SHOC1: variants seen among roughly 807,000 people sequenced by gnomAD.
The protein encoded by SHOC1 is protein shortage in chiasmata 1 ortholog.
A neutral mutation model predicts 179.2 loss-of-function variants in SHOC1; 136 were observed. The ratio of observed to expected loss-of-function variants is 0.76; its 90% CI spans 0.66 to 0.87. The LOEUF (loss-of-function observed/expected upper bound fraction) is 0.87. Among genes scored for constraint, SHOC1 ranks in the 40% least tolerant of loss-of-function variants. The probability of loss-of-function intolerance (pLI) is 0.00; values close to 1 mark genes in which losing one functional copy is unlikely to be tolerated. For synonymous variants in SHOC1, 489 were observed against 586.6 expected, an observed-to-expected ratio of 0.83 and a Z score of 2.41; for missense variants, 1,538 against 1,700.8, an observed-to-expected ratio of 0.90 and a Z score of 1.68.
Position 111,714,438 on chromosome 9 carries a change from A to T in SHOC1, c.2415+7T>A, listed in dbSNP as rs768290373. ...ATTATTTTACCGGCTTTATTCCAATACTTAACCTTAATTTGCTGTTGACTT... is the reference window on the plus strand; with the variant it reads ...ATTATTTTACCGGCTTTATTCCAATTCTTAACCTTAATTTGCTGTTGACTT... On this transcript the variant is annotated splice_region_variant and intron_variant, in intron 17 of 27. Coordinates refer to ENST00000682961, the MANE Select transcript of SHOC1 (RefSeq NM_001378211.1). 1.1e-5 allele frequency: 18 copies of T among 1,612,896 alleles called. No individual in the cohort carries two copies. Among genetic ancestry groups the T allele is most frequent in the Non-Finnish European group, 1.5e-5 (18 of 1,179,452 alleles).
Position 111,686,524 on chromosome 9 carries a change from G to T in SHOC1, c.*246C>A. 2.9e-6 allele frequency: 1 copy of T among 341,500 alleles called. No individual in the cohort carries two copies. The allele number at this position is 341,500 out of a possible 1,614,324, so 21.2% of individuals were successfully genotyped here. Reference sequence around the variant, plus strand: ...GACTCATTTAAATGGCCTGTGTGCAGGGGTGTCTGGAAGACATTTTGGATC... The same window carrying T: ...GACTCATTTAAATGGCCTGTGTGCATGGGTGTCTGGAAGACATTTTGGATC... On this transcript the variant is annotated 3_prime_UTR_variant, in exon 28 of 28. Transcript: ENST00000682961.
chr9:111,718,685 T>C (rs1832908845), intron 15 of SHOC1, among the ~76,000 whole-genome samples: 1 of 152,164 alleles, frequency 6.6e-6, no homozygotes, highest in Admixed American at 6.5e-5. Flanking sequence ...AATAGATTCA[T>C]AACTTGCCAA....
chr9:111,705,699 G>A (rs1320986405), intron 20 of SHOC1, among the ~76,000 whole-genome samples: 2 of 151,902 alleles, frequency 1.3e-5, no homozygotes, highest in African/African-American at 2.4e-5. Flanking sequence ...TTCTCTACCT[G>A]AAATGTTGAA....
intron 22 of SHOC1, 149 bp from the exon 23 acceptor site, chr9:111,702,375 A>T (rs1832019742): frequency 3.4e-6 from 2 of 580,406 alleles, no homozygotes; most frequent in East Asian, 3.3e-5. Flanking sequence ...AATTAAAATC[A>T]TGCAGGAAGT....
At chr9:111,794,013 G>T (rs1041113938) in intron 1 of SHOC1, among the ~76,000 whole-genome samples, 2 of 151,038 alleles carry the variant, frequency 1.3e-5, no homozygotes, top group Non-Finnish European at 3.0e-5. Context: ...CACCATGCCC[G>T]GCTAATTTTT....
At chr9:111,777,832 A>G (rs1835890885) in intron 4 of SHOC1, among the ~76,000 whole-genome samples, 1 of 152,204 alleles carries the variant, frequency 6.6e-6, no homozygotes, top group Admixed American at 6.5e-5. Flanking sequence ...GAAAAGACCA[A>G]TTGTGTCATA....
At chr9:111,753,458 C>A (rs1834696678) in intron 8 of SHOC1, among the ~76,000 whole-genome samples, 1 of 151,954 alleles carries the variant, frequency 6.6e-6, no homozygotes, top group Admixed American at 6.6e-5. Flanking sequence ...GATTGAAAAT[C>A]CCAAACTCAA....
chr9:111,781,750 A>AAATTAATTAATT (rs1554724111), intron 3 of SHOC1, among the ~76,000 whole-genome samples: 3 of 150,892 alleles, frequency 2.0e-5, no homozygotes, highest in Non-Finnish European at 4.4e-5. Context: ...ATAAATAAAT[A>AAATTAATTAATT]AATTTGTATG....
intron 23 of SHOC1, among the ~76,000 whole-genome samples, chr9:111,701,036 T>G (rs1243046061): frequency 6.6e-6 from 1 of 152,198 alleles, no homozygotes; most frequent in Admixed American, 6.5e-5. Flanking sequence ...CTTTTTTCCT[T>G]TGCTGACTTT....
At chr9:111,689,256 C>T (rs1226612142) in intron 27 of SHOC1, among the ~76,000 whole-genome samples, 1 of 150,850 alleles carries the variant, frequency 6.6e-6, no homozygotes, top group Non-Finnish European at 1.5e-5. Context: ...TGTGGTGGTG[C>T]GTACCTTTCG....
intron 8 of SHOC1, among the ~76,000 whole-genome samples, chr9:111,751,484 T>C (rs1330798249): frequency 1.3e-5 from 2 of 152,182 alleles, no homozygotes; most frequent in Non-Finnish European, 2.9e-5. Context: ...ATCAATGCAT[T>C]ATCATTAATT....
At chr9:111,745,630 G>A (rs967674883) in intron 10 of SHOC1, among the ~76,000 whole-genome samples, 5 of 152,214 alleles carry the variant, frequency 3.3e-5, no homozygotes, top group African/African-American at 9.6e-5. Flanking sequence ...TATAAGCCAA[G>A]GAGGGAGGTC....
intron 8 of SHOC1, among the ~76,000 whole-genome samples, chr9:111,754,719 G>A (rs926907303): frequency 1.3e-5 from 2 of 152,162 alleles, no homozygotes; most frequent in African/African-American, 2.4e-5. Context: ...ATCAACAGAT[G>A]TACAGATAGA....
chr9:111,710,284 C>A (rs1052957943), intron 18 of SHOC1, among the ~76,000 whole-genome samples: 7 of 152,098 alleles, frequency 4.6e-5, no homozygotes, highest in African/African-American at 1.7e-4. Context: ...CAAATCTAGA[C>A]TCTAGATACA....
At chr9:111,783,003 TCTTGATCCTATCCC>T (rs1836130088) in intron 3 of SHOC1, among the ~76,000 whole-genome samples, 1 of 152,230 alleles carries the variant, frequency 6.6e-6, no homozygotes, top group South Asian at 2.1e-4. Context: ...CTAACTGTGC[TCTTGATCCTATCCC>T]CTTTTACTCC....
chr9:111,742,099 T>C (rs1834069573), intron 10 of SHOC1, among the ~76,000 whole-genome samples: 1 of 152,144 alleles, frequency 6.6e-6, no homozygotes, highest in Non-Finnish European at 1.5e-5. Flanking sequence ...GTAAACTCAA[T>C]TGTTCCTACT....
intron 3 of SHOC1, 88 bp from the exon 4 acceptor site, chr9:111,781,105 A>T: frequency 1.2e-6 from 1 of 866,946 alleles, no homozygotes; most frequent in Non-Finnish European, 1.8e-6. Flanking sequence ...TTACATTATG[A>T]TTTTATCTTT....
intron 3 of SHOC1, among the ~76,000 whole-genome samples, chr9:111,782,723 A>AAT (rs1057350520): frequency 5.3e-5 from 8 of 152,110 alleles, no homozygotes; most frequent in Non-Finnish European, 1.2e-4. Context: ...CTAAAAAAAA[A>AAT]ACAAAAACAA....
chr9:111,773,685 A>C (rs533928108), intron 5 of SHOC1, among the ~76,000 whole-genome samples: 2 of 152,324 alleles, frequency 1.3e-5, no homozygotes, highest in East Asian at 3.9e-4. Flanking sequence ...ACCTAGAGAG[A>C]TGCTTAAGAG....
Sources: allele counts gnomAD v4.1 joint callset (sites outside exome capture counted in the v4.1 genomes callset), GRCh38; gene constraint gnomAD v4.1.1; transcripts MANE v1.5; gene names NCBI Gene and HGNC (gene_info 2026-07-23, HGNC 2026-07-21).